The following TMPRSS4 variants were observed in gnomAD, a reference collection of about 807,000 sequenced individuals.
TMPRSS4 encodes transmembrane protease serine 4.
A neutral mutation model predicts 56.4 loss-of-function variants in TMPRSS4; 45 were observed. The observed-to-expected ratio is 0.80, with a 90% CI of 0.63 to 1.02. The LOEUF (loss-of-function observed/expected upper bound fraction) is 1.02, where lower values mean the gene tolerates loss of function less well. Ranked by LOEUF, TMPRSS4 falls within the 50% of genes least tolerant of loss-of-function variation. TMPRSS4 has a pLI of 0.00. For missense variants in TMPRSS4, 546 were observed against 556.7 expected (o/e 0.98, Z 0.19); for synonymous variants, 205 against 211.0 (o/e 0.97, Z 0.25).
intron 1 of TMPRSS4, among the ~76,000 whole-genome samples, chr11:118,090,132 G>A (rs544174826): frequency 5.3e-5 from 8 of 152,234 alleles, no homozygotes; most frequent in Admixed American, 1.3e-4. Flanking sequence ...GTAAGCCACC[G>A]TACCTGGCCC....
At chr11:118,105,033 A>T (rs1366523559) in intron 5 of TMPRSS4, among the ~76,000 whole-genome samples, 1 of 152,140 alleles carries the variant, frequency 6.6e-6, no homozygotes, top group Non-Finnish European at 1.5e-5. Flanking sequence ...ACTAATGCCA[A>T]CCTCATAGGA....
chr11:118,119,275 A>G lies in TMPRSS4; in HGVS notation c.*1362A>G, dbSNP rs10750126. Reference sequence around the variant, plus strand: ...TGGCAGTGGAGCTAAACCTGGACACACTGAAGACAAGGGAGCTGAACCAGG... The same window carrying G: ...TGGCAGTGGAGCTAAACCTGGACACGCTGAAGACAAGGGAGCTGAACCAGG... On this transcript the variant is annotated 3_prime_UTR_variant, in exon 13 of 13. Transcript: ENST00000437212. The G allele has an allele frequency of 0.58, 575,640 of 984,376 alleles. 169,514 individuals are homozygous for G. Among genetic ancestry groups the G allele is most frequent in the South Asian group, 0.69 (14,631 of 21,262 alleles). 61.0% of individuals were successfully genotyped at this position (984,376 alleles called of 1,614,324 possible).
At chr11:118,079,082 T>G (rs1003332783) in intron 1 of TMPRSS4, among the ~76,000 whole-genome samples, 2 of 151,904 alleles carry the variant, frequency 1.3e-5, no homozygotes, top group Non-Finnish European at 2.9e-5. Context: ...GGAACACTGG[T>G]GGAGGGGTCA....
At chr11:118,122,375 T>C (rs532105096), downstream of TMPRSS4, among the ~76,000 whole-genome samples, 1 of 152,206 alleles carries the variant, frequency 6.6e-6, no homozygotes, top group African/African-American at 2.4e-5. Flanking sequence ...TAAGCTGGGG[T>C]AGCTATATAA....
chr11:118,091,296 A>AC (rs777187254), intron 1 of TMPRSS4, among the ~76,000 whole-genome samples: 5 of 151,164 alleles, frequency 3.3e-5, no homozygotes, highest in African/African-American at 4.9e-5. Flanking sequence ...AGTTCCTCCA[A>AC]CCCCCCAAGC....
At chr11:118,102,950 C>A in intron 3 of TMPRSS4, 151 bp from the exon 4 acceptor site, 1 of 978,826 alleles carries the variant, frequency 1.0e-6, no homozygotes, top group Non-Finnish European at 1.5e-6. Flanking sequence ...AGGCTCAGGC[C>A]CAAGTCTGTG....
chr11:118,113,244 T>C, intron 8 of TMPRSS4, 25 bp from the exon 9 acceptor site: 2 of 1,609,842 alleles, frequency 1.2e-6, no homozygotes, highest in Non-Finnish European at 1.7e-6. Flanking sequence ...GGATCAGGCC[T>C]GAACCCAGCT....
chr11:118,102,396 G>A (rs1247015619), intron 3 of TMPRSS4, among the ~76,000 whole-genome samples: 1 of 152,186 alleles, frequency 6.6e-6, no homozygotes, highest in African/African-American at 2.4e-5. Context: ...ACTAAGAAGG[G>A]AAAGCGATCC....
chr11:118,088,979 G>T (rs1945776141), intron 1 of TMPRSS4, among the ~76,000 whole-genome samples: 1 of 152,126 alleles, frequency 6.6e-6, no homozygotes, highest in Non-Finnish European at 1.5e-5. Flanking sequence ...GGTCTGGCTG[G>T]ATCTCTGAAT....
At chr11:118,078,799 G>A (rs148575630) in intron 1 of TMPRSS4, among the ~76,000 whole-genome samples, 35 of 152,242 alleles carry the variant, frequency 2.3e-4, no homozygotes, top group African/African-American at 8.2e-4. Flanking sequence ...GCTGTCTTGA[G>A]GCATTCATCT....
rs985192610 is a variant in TMPRSS4, at chr11:118,111,844, CT to C, written c.688del (p.Cys230ValfsTer65). ...VSIQYDKQHV[C>X]GGSILDPHWV... is the part of the protein sequence containing the mutation. ...GCATCCAGTACGACAAACAGCACGT[CT>C]GTGGAGGGAGCATCCTGGACCCCCA... On this transcript the variant is annotated frameshift_variant, in exon 8 of 13. Coordinates refer to ENST00000437212, the MANE Select transcript of TMPRSS4 (RefSeq NM_019894.4). LOFTEE classifies it high-confidence loss of function. 6.2e-7 allele frequency: 1 copy of C among 1,609,222 alleles called. No homozygotes were observed. The highest frequency in any genetic ancestry group is 1.3e-5 in the African/African-American group (1 of 74,778).
intron 1 of TMPRSS4, among the ~76,000 whole-genome samples, chr11:118,080,774 G>A (rs1291372282): frequency 3.3e-5 from 5 of 152,098 alleles, no homozygotes; most frequent in African/African-American, 7.2e-5. Context: ...CCCCAGAAAC[G>A]CCCCAGGGCA....
At chr11:118,086,538 C>A (rs765157896) in intron 1 of TMPRSS4, among the ~76,000 whole-genome samples, 4 of 152,248 alleles carry the variant, frequency 2.6e-5, no homozygotes, top group Non-Finnish European at 5.9e-5. Context: ...AGCTTAGATG[C>A]CCAGCGGCAT....
chr11:118,123,813 C>T (rs983957091), downstream of TMPRSS4, among the ~76,000 whole-genome samples: 1 of 152,030 alleles, frequency 6.6e-6, no homozygotes, highest in Non-Finnish European at 1.5e-5. Flanking sequence ...GGTGAGCCAC[C>T]GTGCCCGGCC....
At chr11:118,114,033 A>G (rs1005001889) in intron 9 of TMPRSS4, among the ~76,000 whole-genome samples, 1 of 152,256 alleles carries the variant, frequency 6.6e-6, no homozygotes, top group African/African-American at 2.4e-5. Context: ...CCCTTCTTGG[A>G]ACACATTAGT....
At chr11:118,125,467 C>T, downstream of TMPRSS4, 1 of 403,768 alleles carries the variant, frequency 2.5e-6, no homozygotes, top group Non-Finnish European at 5.1e-6. Flanking sequence ...TGCCCATTTC[C>T]CTGGGATTGA....
intron 1 of TMPRSS4, among the ~76,000 whole-genome samples, chr11:118,091,123 G>C (rs1945919080): frequency 6.6e-6 from 1 of 152,112 alleles, no homozygotes; most frequent in Non-Finnish European, 1.5e-5. Flanking sequence ...GCCTCCCACA[G>C]CTCAGCAAGC....
At chr11:118,122,632 T>C (rs922618357), downstream of TMPRSS4, among the ~76,000 whole-genome samples, 5 of 152,240 alleles carry the variant, frequency 3.3e-5, no homozygotes, top group Non-Finnish European at 5.9e-5. Flanking sequence ...TGCTTTGCCA[T>C]AGAAATCTAC....
Position 118,111,907 on chromosome 11 carries a change from C to A in TMPRSS4, c.743+7C>A. ...CGGCAGCCCACTGCTTCAGGTAAGA[C>A]CCCAGCTGTAAGGAGGTCTCTGGGG... On this transcript the variant is annotated splice_region_variant and intron_variant, in intron 8 of 12. Coordinates refer to ENST00000437212, the MANE Select transcript of TMPRSS4 (RefSeq NM_019894.4). The A allele has an allele frequency of 1.2e-6, 2 of 1,604,998 alleles. No individual in the cohort carries two copies. Among genetic ancestry groups the A allele is most frequent in the Non-Finnish European group, 1.7e-6 (2 of 1,176,196 alleles).
Sources: allele counts gnomAD v4.1 joint callset (sites outside exome capture counted in the v4.1 genomes callset), GRCh38; gene constraint gnomAD v4.1.1; transcripts MANE v1.5; gene names NCBI Gene and HGNC (gene_info 2026-07-23, HGNC 2026-07-21).